Variants in AHCTF1 observed in about 807,000 individuals in gnomAD.
AHCTF1 encodes the protein protein ELYS.
In AHCTF1, 24 loss-of-function variants were observed where a neutral mutation model predicts 248.4. The observed-to-expected ratio is 0.10, with a 90% CI of 0.07 to 0.14. The LOEUF (loss-of-function observed/expected upper bound fraction) is 0.14, where lower values mean the gene tolerates loss of function less well. Among genes scored for constraint, AHCTF1 ranks in the 10% least tolerant of loss-of-function variants. The pLI, the probability that AHCTF1 is intolerant of heterozygous loss-of-function variation, is 1.00. For synonymous variants in AHCTF1, 786 were observed against 929.8 expected (o/e 0.85, Z 2.81); for missense variants, 2,206 against 2,636.2 (o/e 0.84, Z 3.57).
chr1:246,868,967 G>A (rs192775568), intron 24 of AHCTF1, among the ~76,000 whole-genome samples: 2 of 149,720 alleles, frequency 1.3e-5, no homozygotes, highest in East Asian at 2.0e-4. Context: ...GCCTCAGCCT[G>A]CTGAGTAGCT....
chr1:246,909,598 A>C (rs1218393037), intron 4 of AHCTF1, among the ~76,000 whole-genome samples: 1 of 152,134 alleles, frequency 6.6e-6, no homozygotes, highest in African/African-American at 2.4e-5. Context: ...ATTTGACTTA[A>C]CAGCCTCAAA....
At chr1:246,862,234 A>C in intron 27 of AHCTF1, 81 bp from the exon 28 acceptor site, 1 of 1,008,438 alleles carries the variant, frequency 9.9e-7, no homozygotes, top group Non-Finnish European at 1.4e-6. Context: ...TAATCCCTGC[A>C]CTTTGGGAGG....
At chr1:246,901,636 C>T (rs888495605) in intron 8 of AHCTF1, among the ~76,000 whole-genome samples, 1 of 151,674 alleles carries the variant, frequency 6.6e-6, no homozygotes, top group Non-Finnish European at 1.5e-5. Context: ...CAAAAAAAAA[C>T]AAAACACCCT....
At chr1:246,900,626 A>T (rs1225805481) in intron 8 of AHCTF1, among the ~76,000 whole-genome samples, 157 bp from the exon 9 acceptor site, 1 of 152,260 alleles carries the variant, frequency 6.6e-6, no homozygotes, top group Non-Finnish European at 1.5e-5. Flanking sequence ...ATGTAAGACC[A>T]GATTCATTCA....
intron 24 of AHCTF1, among the ~76,000 whole-genome samples, chr1:246,869,100 T>TCCCAAAGTG (rs1662337503): frequency 6.6e-6 from 1 of 151,114 alleles, no homozygotes; most frequent in Non-Finnish European, 1.5e-5. Flanking sequence ...CGCCTTGGCC[T>TCCCAAAGTG]CCCAAAGTGC....
rs375362186 is a variant in AHCTF1, at chr1:246,849,738, A to G, written c.6268T>C (p.Phe2090Leu). 3.7e-6 allele frequency: 6 copies of G among 1,613,878 alleles called. No homozygotes were observed. Among genetic ancestry groups the G allele is most frequent in the African/African-American group, 1.3e-5 (1 of 74,928 alleles). ...QEERLLATAS[F>L]TKSSRSSRTR... is the part of the protein sequence containing the mutation. ...CTGCTGCTGCGGGATGATTTAGTGA[A>G]GGAAGCTGTGGCGAGCAATCTTTCT... The change falls in exon 33 of 36, where the codon TTC becomes CTC. Residue 2090 changes from phenylalanine to leucine, a missense_variant. Physicochemically the swap from Phe to Leu is conservative, Grantham distance 22. This residue lies in a region of AHCTF1 where 469 missense variants were observed against 470.0 expected (regional missense o/e 1.00). Coordinates refer to ENST00000648844, the MANE Select transcript of AHCTF1 (RefSeq NM_001323342.2).
chr1:246,895,829 T>C lies in AHCTF1; in HGVS notation c.1714+6A>G. On this transcript the variant is annotated splice_donor_region_variant and intron_variant, in intron 13 of 35. Transcript: ENST00000648844. ...CCAAACATTTTACTTGTTATCAGAA[T>C]CTTACCTTCTGTTATCCATCTTCGG... The C allele has an allele frequency of 6.2e-7, 1 of 1,600,422 alleles. No homozygotes were observed.
chr1:246,869,002 G>GCA (rs1558231905), intron 24 of AHCTF1, among the ~76,000 whole-genome samples: 175 of 150,790 alleles, frequency 1.2e-3, no homozygotes, highest in African/African-American at 4.2e-3. Context: ...CCGCCACCAT[G>GCA]CCTGGCTAAC....
chr1:246,864,309 A>G, intron 26 of AHCTF1, 193 bp from the exon 27 acceptor site: 1 of 564,856 alleles, frequency 1.8e-6, no homozygotes, highest in Non-Finnish European at 3.0e-6. Context: ...AACAGAATTA[A>G]GAACTGCACA....
chr1:246,846,908 A>G (rs181903693), intron 33 of AHCTF1, among the ~76,000 whole-genome samples: 319 of 151,918 alleles, frequency 2.1e-3, no homozygotes, highest in Middle Eastern at 6.8e-3. Context: ...CAGCCACCAC[A>G]TGCCCAAATC....
Position 246,849,753 on chromosome 1 carries a change from G to A in AHCTF1, c.6253C>T (p.Leu2085Phe), listed in dbSNP as rs938043921. The change falls in exon 33 of 36, where the codon CTC (leucine) becomes TTC (phenylalanine). Residue 2085 changes from leucine to phenylalanine, a missense_variant. This residue lies in a region of AHCTF1 where 469 missense variants were observed against 470.0 expected (regional missense o/e 1.00). Coordinates refer to ENST00000648844, the MANE Select transcript of AHCTF1 (RefSeq NM_001323342.2). ...GATTTAGTGAAGGAAGCTGTGGCGA[G>A]CAATCTTTCTTCCTGCTCATTTGTT... is the stretch of plus-strand genomic sequence containing the variant. ...KETNEQEERLLATASFTKSSR... is the reference protein window; with the variant it reads ...KETNEQEERLFATASFTKSSR... The A allele has an allele frequency of 3.7e-6, 6 of 1,613,996 alleles. No homozygotes were observed. Among genetic ancestry groups the A allele is most frequent in the African/African-American group, 1.3e-5 (1 of 75,040 alleles).
At chr1:246,921,651 A>G (rs10924867) in intron 1 of AHCTF1, among the ~76,000 whole-genome samples, 33,317 of 152,028 alleles carry the variant, frequency 0.22, 3,765 homozygotes, top group Admixed American at 0.24. Context: ...AGGAAGTCCA[A>G]TGAATCCTAG....
At chr1:246,922,639 C>T (rs1666623184) in intron 1 of AHCTF1, among the ~76,000 whole-genome samples, 1 of 151,560 alleles carries the variant, frequency 6.6e-6, no homozygotes. Context: ...AGCAATCCTC[C>T]TGCCTCGGCC....
At chr1:246,927,131 T>C (rs1666985317) in intron 1 of AHCTF1, among the ~76,000 whole-genome samples, 1 of 149,796 alleles carries the variant, frequency 6.7e-6, no homozygotes, top group Non-Finnish European at 1.5e-5. Context: ...TGAGCCAAGA[T>C]CGTGCCACTG....
chr1:246,892,584 G>A (rs917728540), intron 14 of AHCTF1, among the ~76,000 whole-genome samples: 1 of 151,956 alleles, frequency 6.6e-6, no homozygotes, highest in Non-Finnish European at 1.5e-5. Flanking sequence ...GCCTCCCAAA[G>A]TCCTGGGATT....
intron 31 of AHCTF1, 38 bp from the exon 32 acceptor site, chr1:246,853,337 G>A (rs1660857428): frequency 6.5e-7 from 1 of 1,529,504 alleles, no homozygotes; most frequent in Non-Finnish European, 8.9e-7. Flanking sequence ...CATTTAAACT[G>A]AAAAATAAAT....
chr1:246,906,978 A>T (rs1432551672), intron 5 of AHCTF1, among the ~76,000 whole-genome samples: 1 of 152,166 alleles, frequency 6.6e-6, no homozygotes, highest in Admixed American at 6.5e-5. Flanking sequence ...TGTGTCACTT[A>T]ACAAAAGGGG....
At chr1:246,900,029 ACTTTT>A in intron 10 of AHCTF1, 31 bp downstream of exon 10, 1 of 1,550,972 alleles carries the variant, frequency 6.4e-7, no homozygotes, top group Non-Finnish European at 8.8e-7. Context: ...TTTGTGCATT[ACTTTT>A]CTTAAGAGGT....
chr1:246,847,307 A>G (rs967745493), intron 33 of AHCTF1, among the ~76,000 whole-genome samples: 1 of 49,992 alleles, frequency 2.0e-5, no homozygotes, highest in Non-Finnish European at 3.3e-5. Context: ...AAAAACAAAC[A>G]AAAAAAAAAC....
Sources: allele counts gnomAD v4.1 joint callset (sites outside exome capture counted in the v4.1 genomes callset), GRCh38; gene constraint gnomAD v4.1.1; regional missense constraint gnomAD v4.1.1; transcripts MANE v1.5; gene names NCBI Gene and HGNC (gene_info 2026-07-23, HGNC 2026-07-21).